Variants in DHX8 observed in about 807,000 individuals in gnomAD.
DHX8 encodes the protein ATP-dependent RNA helicase DHX8.
Under a neutral mutation model 140.7 loss-of-function variants are expected in DHX8, and 67 were observed. That is an observed-to-expected ratio of 0.48 (90% CI 0.39 to 0.58). DHX8 has a LOEUF of 0.58. Ranked by LOEUF, DHX8 falls within the 20% of genes least tolerant of loss-of-function variation. DHX8 has a pLI of 0.00. For synonymous variants in DHX8, 533 were observed against 553.2 expected (o/e 0.96, Z 0.51); for missense variants, 887 against 1,550.7 (o/e 0.57, Z 7.19).
intron 22 of DHX8, among the ~76,000 whole-genome samples, chr17:43,522,781 G>C (rs1970443506): frequency 7.0e-6 from 1 of 143,256 alleles, no homozygotes; most frequent in Non-Finnish European, 1.5e-5. Flanking sequence ...AACTACCTAG[G>C]GGCTAGGCAT....
chr17:43,488,395 A>G (rs947150014), intron 1 of DHX8, among the ~76,000 whole-genome samples: 12 of 152,138 alleles, frequency 7.9e-5, no homozygotes, highest in African/African-American at 2.7e-4. Flanking sequence ...GTGGATCACA[A>G]GGTCAGGAGA....
downstream of DHX8, among the ~76,000 whole-genome samples, chr17:43,527,586 G>A (rs73987521): frequency 8.7e-3 from 1,332 of 152,366 alleles, 26 homozygotes; most frequent in African/African-American, 0.031. Flanking sequence ...CACAAGGGGC[G>A]CCTGTCCAGG....
chr17:43,500,063 C>A lies in DHX8; in HGVS notation c.1506C>A (p.Pro502=). The change falls in exon 11 of 23, where the codon CCC becomes CCA. Residue 502 remains proline, a synonymous_variant. Transcript: ENST00000262415. ...GGGAAGCTGAGATGGATTCTATTCC[C>A]ATGGGACTCAACAAACACTGGGTTG... is the stretch of plus-strand genomic sequence containing the variant. ...AQREAEMDSI[P]MGLNKHWVDP... 1 of 1,614,180 alleles carries A rather than the reference C, an allele frequency of 6.2e-7. No individual in the cohort carries two copies. The highest frequency in any genetic ancestry group is 1.1e-5 in the South Asian group (1 of 91,084).
At position 43,496,122 on chromosome 17, in the gene DHX8, A is replaced by G. The variant is rs1463122071; in HGVS notation, c.1213-59A>G. On this transcript the variant is annotated intron_variant, in intron 8 of 22. Transcript: ENST00000262415. ...CAAAAAAACAAAACAAAACCAAAAA[A>G]CAAAAAAAAAGTTTTGATCTTAGCA... 3 of 1,411,578 alleles carry G rather than the reference A, an allele frequency of 2.1e-6. No homozygotes were observed. In the African/African-American group the frequency reaches 4.3e-5, roughly 20 times the overall value. 87.4% of individuals were successfully genotyped at this position (1,411,578 alleles called of 1,614,324 possible). A position where few individuals can be genotyped will look rare whatever the true frequency, so the allele number is the denominator to read the frequency against.
At chr17:43,499,910 T>G in intron 10 of DHX8, 46 bp from the exon 11 acceptor site, 1 of 1,605,036 alleles carries the variant, frequency 6.2e-7, no homozygotes, top group Admixed American at 1.7e-5. Context: ...CTACATATTA[T>G]TTCCCGGACA....
chr17:43,524,976 T>C lies in DHX8; in HGVS notation c.*1129T>C, dbSNP rs1970560817. ...GGAGGGTTTTTTTTTTTTCTTCCCA[T>C]AGAGATGGGTTCCCACTGTGCTGCC... is the stretch of plus-strand genomic sequence containing the variant. On this transcript the variant is annotated 3_prime_UTR_variant, in exon 23 of 23. Transcript: ENST00000262415. 2.0e-6 allele frequency: 2 copies of C among 984,138 alleles called. No homozygotes were observed. The highest frequency in any genetic ancestry group is 3.5e-5 in the African/African-American group (2 of 56,932). 61.0% of individuals were successfully genotyped at this position (984,138 alleles called of 1,614,324 possible).
chr17:43,502,280 T>C (rs117867210), intron 11 of DHX8, among the ~76,000 whole-genome samples: 3,584 of 152,308 alleles, frequency 0.024, 73 homozygotes, highest in Non-Finnish European at 0.037. Context: ...AGGTTCGGCA[T>C]GATGGCTCAC....
At chr17:43,496,700 A>G (rs1968880809) in intron 9 of DHX8, among the ~76,000 whole-genome samples, 1 of 152,072 alleles carries the variant, frequency 6.6e-6, no homozygotes, top group Admixed American at 6.5e-5. Flanking sequence ...GAATTGCTTG[A>G]ACCCAGGAGA....
chr17:43,499,031 TTAGATCTGCGTAAG>T, intron 10 of DHX8, 72 bp downstream of exon 10: 1 of 1,163,472 alleles, frequency 8.6e-7, no homozygotes, highest in Admixed American at 2.7e-5. Context: ...GGTCAGGTTA[TTAGATCTGCGTAAG>T]TAGAACTTGG....
Position 43,524,474 on chromosome 17 carries a change from A to G in DHX8, c.*627A>G, listed in dbSNP as rs112756251. 57 of 987,404 alleles carry G rather than the reference A, an allele frequency of 5.8e-5. 1 individual carries two copies. In the African/African-American group the frequency reaches 8.0e-4, roughly 14 times the overall value. 61.2% of individuals were successfully genotyped at this position (987,404 alleles called of 1,614,324 possible). ...ACGCAGGGCCTCTTTGCGCTCGGAA[A>G]CGACGTACAACCCAGACTTCCAGCC... On this transcript the variant is annotated 3_prime_UTR_variant, in exon 23 of 23. Coordinates refer to ENST00000262415, the MANE Select transcript of DHX8 (RefSeq NM_004941.3).
At chr17:43,512,111 G>A (rs28532791) in intron 16 of DHX8, among the ~76,000 whole-genome samples, 31,863 of 151,506 alleles carry the variant, frequency 0.21, 3,840 homozygotes, top group East Asian at 0.32. Context: ...GGACTTGGCC[G>A]GGTGTGGTGG....
intron 10 of DHX8, among the ~76,000 whole-genome samples, chr17:43,499,207 A>G (rs189182554): frequency 6.6e-6 from 1 of 152,112 alleles, no homozygotes; most frequent in African/African-American, 2.4e-5. Context: ...GGAATGCTTA[A>G]TCTGCCATCA....
downstream of DHX8, chr17:43,530,559 G>A: frequency 1.7e-6 from 1 of 580,438 alleles, no homozygotes; most frequent in Non-Finnish European, 2.6e-6. Flanking sequence ...CCTCAGAATG[G>A]ACAAAAATGT....
intron 2 of DHX8, 35 bp from the exon 3 acceptor site, chr17:43,490,356 A>G: frequency 6.4e-7 from 1 of 1,554,394 alleles, no homozygotes; most frequent in East Asian, 2.2e-5. Flanking sequence ...CTGATATGGG[A>G]GCTGACAATT....
intron 3 of DHX8, among the ~76,000 whole-genome samples, chr17:43,543,077 A>C (rs1185865623): frequency 6.6e-6 from 1 of 151,942 alleles, no homozygotes; most frequent in Non-Finnish European, 1.5e-5. Context: ...AGAAGGAGCG[A>C]TCGGCCTCAG....
intron 2 of DHX8, 90 bp from the exon 3 acceptor site, chr17:43,490,301 C>A: frequency 1.0e-6 from 1 of 962,702 alleles, no homozygotes; most frequent in Non-Finnish European, 1.6e-6. Context: ...TGCGTAACCA[C>A]CCTTCCCTAC....
At chr17:43,504,951 A>T in intron 12 of DHX8, 126 bp downstream of exon 12, 1 of 902,574 alleles carries the variant, frequency 1.1e-6, no homozygotes, top group Non-Finnish European at 1.7e-6. Flanking sequence ...CAAAAGAGTT[A>T]AGAAAGAAGG....
chr17:43,507,461 A>C (rs1214530340), intron 13 of DHX8, 42 bp from the exon 14 acceptor site: 1 of 1,565,458 alleles, frequency 6.4e-7, no homozygotes, highest in South Asian at 1.1e-5. Context: ...TGGGAAAAGG[A>C]GACATTTGTA....
At position 43,525,411 on chromosome 17, in the gene DHX8, AAT is replaced by A; in HGVS notation, c.*1568_*1569del. 1 of 982,570 alleles carries A rather than the reference AAT, an allele frequency of 1.0e-6. No homozygotes were observed. Among genetic ancestry groups the A allele is most frequent in the Non-Finnish European group, 1.2e-6 (1 of 827,366 alleles). 60.9% of individuals were successfully genotyped at this position (982,570 alleles called of 1,614,324 possible). A position where few individuals can be genotyped will look rare whatever the true frequency, so the allele number is the denominator to read the frequency against. Reference sequence around the variant, plus strand: ...ATTCAGAAAGAGTCCGAGGGAGAGGAATATAGGCCAGGCAATCTGCTGGCTGC... The same window carrying A: ...ATTCAGAAAGAGTCCGAGGGAGAGGAATAGGCCAGGCAATCTGCTGGCTGC... On this transcript the variant is annotated 3_prime_UTR_variant, in exon 23 of 23. Transcript: ENST00000262415.
Sources: gnomAD v4.1 joint callset for allele counts (sites outside exome capture counted in the v4.1 genomes callset) on GRCh38, gnomAD v4.1.1 for gene constraint, MANE v1.5 for transcripts, NCBI Gene and HGNC (gene_info 2026-07-23, HGNC 2026-07-21) for gene names.